ITGB5: variants seen among roughly 807,000 people sequenced by gnomAD.
The protein encoded by ITGB5 is integrin beta-5.
In ITGB5, 38 loss-of-function variants were observed where a neutral mutation model predicts 84.8. The ratio of observed to expected loss-of-function variants is 0.45; its 90% confidence interval spans 0.35 to 0.59. The LOEUF (loss-of-function observed/expected upper bound fraction) is 0.59, where lower values mean the gene tolerates loss of function less well. Ranked by LOEUF, ITGB5 falls within the 20% of genes least tolerant of loss-of-function variation. The pLI is 0.01. For synonymous variants in ITGB5, 393 were observed against 414.4 expected (o/e 0.95, Z 0.63); for missense variants, 905 against 1,034.5 (o/e 0.87, Z 1.72).
At chr3:124,832,035 C>A (rs769645509) in intron 5 of ITGB5, among the ~76,000 whole-genome samples, 7 of 152,236 alleles carry the variant, frequency 4.6e-5, no homozygotes, top group Non-Finnish European at 8.8e-5. Context: ...GTACCAGTGG[C>A]CTCCCTGGAA....
intron 5 of ITGB5, among the ~76,000 whole-genome samples, chr3:124,825,644 A>G (rs1012587512): frequency 3.3e-5 from 5 of 152,248 alleles, no homozygotes; most frequent in Non-Finnish European, 5.9e-5. Flanking sequence ...AAATACAGGT[A>G]CAGAAAACAG....
intron 5 of ITGB5, among the ~76,000 whole-genome samples, chr3:124,823,242 A>C (rs1197668813): frequency 6.6e-6 from 1 of 152,176 alleles, no homozygotes; most frequent in Non-Finnish European, 1.5e-5. Context: ...CAGCCTGGGC[A>C]ACAGAGCAAG....
intron 9 of ITGB5, among the ~76,000 whole-genome samples, chr3:124,801,615 C>T (rs981875671): frequency 2.0e-5 from 3 of 152,202 alleles, no homozygotes; most frequent in African/African-American, 4.8e-5. Context: ...GACACCTGAA[C>T]TGTGTCTGCT....
upstream of ITGB5, among the ~76,000 whole-genome samples, chr3:124,890,709 C>A (rs1934983411): frequency 6.6e-6 from 1 of 152,096 alleles, no homozygotes; most frequent in African/African-American, 2.4e-5. Context: ...AGCCCCCCTC[C>A]TATTATCACC....
intron 10 of ITGB5, among the ~76,000 whole-genome samples, chr3:124,777,401 AAG>A (rs1366587368): frequency 6.6e-6 from 1 of 152,226 alleles, no homozygotes; most frequent in Non-Finnish European, 1.5e-5. Context: ...GATGACTTCA[AAG>A]CAAAGCCCTA....
At chr3:124,860,021 A>C (rs1221109751) in intron 2 of ITGB5, among the ~76,000 whole-genome samples, 2 of 152,226 alleles carry the variant, frequency 1.3e-5, no homozygotes, top group African/African-American at 4.8e-5. Context: ...GTTAACCTTT[A>C]AGTTGTTCAC....
intron 1 of ITGB5, among the ~76,000 whole-genome samples, chr3:124,884,567 G>T (rs1934720056): frequency 6.6e-6 from 1 of 152,128 alleles, no homozygotes; most frequent in African/African-American, 2.4e-5. Flanking sequence ...AGGCGTGGTG[G>T]TACATGCCTG....
rs916001507 is a variant in ITGB5, at chr3:124,762,362, G to A, written c.*1261C>T. 1.3e-5 allele frequency: 2 copies of A among 152,076 alleles called. No homozygotes were observed. Among genetic ancestry groups the A allele is most frequent in the Non-Finnish European group, 2.9e-5 (2 of 68,040 alleles). 9.4% of individuals were successfully genotyped at this position (152,076 alleles called of 1,614,324 possible). On this transcript the variant is annotated 3_prime_UTR_variant, in exon 15 of 15. Coordinates refer to ENST00000296181, the MANE Select transcript of ITGB5 (RefSeq NM_002213.5). ...TGGCCAGCATGAGATGGGGTCTTAG[G>A]AACAGTTTGTCATTCAGTAACCTCC... is the stretch of plus-strand genomic sequence containing the variant.
At chr3:124,847,109 T>C (rs1015889647) in intron 4 of ITGB5, among the ~76,000 whole-genome samples, 9 of 152,232 alleles carry the variant, frequency 5.9e-5, no homozygotes, top group African/African-American at 2.2e-4. Flanking sequence ...TTATGAGATT[T>C]AAATGAGATA....
intron 5 of ITGB5, among the ~76,000 whole-genome samples, chr3:124,831,507 G>T (rs1465198230): frequency 6.6e-6 from 1 of 152,196 alleles, no homozygotes; most frequent in Non-Finnish European, 1.5e-5. Context: ...GCAGGGGAAG[G>T]CCCAGACCAC....
chr3:124,854,614 G>A (rs1199103256), intron 3 of ITGB5, among the ~76,000 whole-genome samples: 4 of 152,124 alleles, frequency 2.6e-5, no homozygotes, highest in Non-Finnish European at 5.9e-5. Context: ...GGTGGGAGAC[G>A]GTAGTTTAAG....
chr3:124,840,106 G>A (rs1322291460), intron 5 of ITGB5, among the ~76,000 whole-genome samples: 1 of 152,234 alleles, frequency 6.6e-6, no homozygotes, highest in Non-Finnish European at 1.5e-5. Context: ...ATTGAGTGGA[G>A]AGGAAACAGG....
rs1397082343 is a variant in ITGB5, at chr3:124,763,206, C to CA, written c.*416dup. 2 of 164,834 alleles carry CA rather than the reference C, an allele frequency of 1.2e-5. No homozygotes were observed. Among genetic ancestry groups the CA allele is most frequent in the Non-Finnish European group, 2.7e-5 (2 of 75,426 alleles). The allele number at this position is 164,834 out of a possible 1,614,324, so 10.2% of individuals were successfully genotyped here. ...TCTTTTTATTTCATATAAAAATGATCAATGTGAAAAAAGCCAAACTGTATG... is the reference window on the plus strand; with the variant it reads ...TCTTTTTATTTCATATAAAAATGATCAAATGTGAAAAAAGCCAAACTGTATG... On this transcript the variant is annotated 3_prime_UTR_variant, in exon 15 of 15. Coordinates refer to ENST00000296181, the MANE Select transcript of ITGB5 (RefSeq NM_002213.5).
At chr3:124,764,709 A>T (rs1033082981) in intron 13 of ITGB5, 152 bp from the exon 14 acceptor site, 3 of 705,076 alleles carry the variant, frequency 4.3e-6, no homozygotes, top group Non-Finnish European at 6.8e-6. Flanking sequence ...TCCCCAATGT[A>T]CAAAAAATGA....
At chr3:124,861,292 A>C (rs972849169) in intron 2 of ITGB5, among the ~76,000 whole-genome samples, 1 of 151,754 alleles carries the variant, frequency 6.6e-6, no homozygotes, top group South Asian at 2.1e-4. Flanking sequence ...CTCCATAAAC[A>C]CTTGTTGTGC....
At position 124,762,933 on chromosome 3, in the gene ITGB5, GAAACACACAGAGAGTATCAGAC is replaced by G. The variant is rs2063713979; in HGVS notation, c.*668_*689del. 1 of 152,210 alleles carries G rather than the reference GAAACACACAGAGAGTATCAGAC, an allele frequency of 6.6e-6. No individual in the cohort carries two copies. The highest frequency in any genetic ancestry group is 2.4e-5 in the African/African-American group (1 of 41,444). The allele number at this position is 152,210 out of a possible 1,614,324, so 9.4% of individuals were successfully genotyped here. On this transcript the variant is annotated 3_prime_UTR_variant, in exon 15 of 15. Coordinates refer to ENST00000296181, the MANE Select transcript of ITGB5 (RefSeq NM_002213.5). Reference sequence around the variant, plus strand: ...CATTTTAAGTCCGCTCAGAAAGAAAGAAACACACAGAGAGTATCAGACAAACACAAATTCTTTTGGTTTTAAT... The same window carrying G: ...CATTTTAAGTCCGCTCAGAAAGAAAGAAACACAAATTCTTTTGGTTTTAAT...
chr3:124,815,191 C>A (rs1180270943), intron 8 of ITGB5, among the ~76,000 whole-genome samples: 1 of 152,242 alleles, frequency 6.6e-6, no homozygotes, highest in Non-Finnish European at 1.5e-5. Context: ...AGCACAGACA[C>A]GCAGAACCCA....
chr3:124,807,330 C>T (rs570992603), intron 9 of ITGB5, among the ~76,000 whole-genome samples: 3 of 152,156 alleles, frequency 2.0e-5, no homozygotes, highest in Non-Finnish European at 2.9e-5. Flanking sequence ...GCATGAGAAT[C>T]GTTCGAACCT....
At chr3:124,855,099 G>C (rs2107612484) in intron 3 of ITGB5, among the ~76,000 whole-genome samples, 1 of 152,268 alleles carries the variant, frequency 6.6e-6, no homozygotes, top group Non-Finnish European at 1.5e-5. Context: ...GATGACTTGA[G>C]CCCAGGAGTT....
Sources: allele counts gnomAD v4.1 joint callset (sites outside exome capture counted in the v4.1 genomes callset), GRCh38; gene constraint gnomAD v4.1.1; transcripts MANE v1.5; gene names NCBI Gene and HGNC (gene_info 2026-07-23, HGNC 2026-07-21).